LUZP2: variants seen among roughly 807,000 people sequenced by gnomAD.
LUZP2 encodes leucine zipper protein 2.
A neutral mutation model predicts 51.6 loss-of-function variants in LUZP2; 52 were observed. That is an observed-to-expected ratio of 1.01 (90% CI 0.81 to 1.27). The LOEUF is 1.27. Ranked by LOEUF, LUZP2 falls within the 50% of genes most tolerant of loss-of-function variation. LUZP2 has a pLI of 0.00. For synonymous variants in LUZP2, 154 were observed against 137.3 expected, an observed-to-expected ratio of 1.12 and a Z score of -0.85; for missense variants, 436 against 395.4, an observed-to-expected ratio of 1.10 and a Z score of -0.87.
At chr11:24,957,955 T>G (rs12362151) in intron 7 of LUZP2, among the ~76,000 whole-genome samples, 2 of 152,104 alleles carry the variant, frequency 1.3e-5, no homozygotes, top group Admixed American at 1.3e-4. Flanking sequence ...CCTGTGTCCA[T>G]GTGTTCTCAT....
chr11:24,659,200 A>C (rs1006446774), intron 1 of LUZP2, among the ~76,000 whole-genome samples: 1 of 152,234 alleles, frequency 6.6e-6, no homozygotes, highest in African/African-American at 2.4e-5. Context: ...AACTGGATTA[A>C]GAAAATGTGG....
In LUZP2 at chr11:24,701,878, A is replaced by G. The variant is rs530439097; in HGVS notation, c.63-27291A>G. ...TTCGTTTTTATAACCTGTAATACAA[A>G]GTATACTAAATGGCAACATGGAGTC... On this transcript the variant is annotated intron_variant, in intron 1 of 11. Coordinates refer to ENST00000336930, the MANE Select transcript of LUZP2 (RefSeq NM_001009909.4). Among the ~76,000 whole-genome samples the G allele has an allele frequency of 1.3e-5, 2 of 152,314 alleles. 1 individual carries two copies. The highest frequency in any genetic ancestry group is 4.1e-4 in the South Asian group (2 of 4,822).
intron 5 of LUZP2, among the ~76,000 whole-genome samples, chr11:24,813,949 AAAT>A (rs1180746233): frequency 2.0e-5 from 3 of 152,216 alleles, no homozygotes; most frequent in African/African-American, 7.2e-5. Context: ...TGCAAACCGG[AAAT>A]AATAACAACA....
At chr11:24,627,435 C>A (rs377746294) in intron 1 of LUZP2, among the ~76,000 whole-genome samples, 1 of 152,202 alleles carries the variant, frequency 6.6e-6, no homozygotes, top group African/African-American at 2.4e-5. Context: ...CTTGTCTCCC[C>A]GGAGTGGCAA....
chr11:24,827,290 G>A (rs747532084), intron 5 of LUZP2, among the ~76,000 whole-genome samples: 2 of 152,042 alleles, frequency 1.3e-5, no homozygotes, highest in Non-Finnish European at 2.9e-5. Flanking sequence ...TAGGAACAAG[G>A]CATATTTCTG....
Position 24,729,198 on chromosome 11 carries a change from T to C in LUZP2, c.92T>C (p.Leu31Pro). 1 of 1,574,562 alleles carries C rather than the reference T, an allele frequency of 6.4e-7. No homozygotes were observed. Among genetic ancestry groups the C allele is most frequent in the Non-Finnish European group, 8.7e-7 (1 of 1,153,692 alleles). ...GACTATGAAGAGCTAGAAAAGCAGCTGAAAGAAGTCTTTAAGGAGCGAAGC... is the reference window on the plus strand; with the variant it reads ...GACTATGAAGAGCTAGAAAAGCAGCCGAAAGAAGTCTTTAAGGAGCGAAGC... ...RQDYEELEKQLKEVFKERSTI... is the reference protein window; with the variant it reads ...RQDYEELEKQPKEVFKERSTI... The change falls in exon 2 of 12, where the codon CTG becomes CCG. Residue 31 changes from leucine (L) to proline (P), a missense_variant. Physicochemically the swap from Leu to Pro is moderately conservative, Grantham distance 98. Transcript: ENST00000336930.
chr11:24,748,826 A>G (rs1302401040), intron 4 of LUZP2, among the ~76,000 whole-genome samples: 2 of 152,192 alleles, frequency 1.3e-5, no homozygotes, highest in Non-Finnish European at 2.9e-5. Flanking sequence ...ATAAATATAC[A>G]CACATACACA....
intron 1 of LUZP2, among the ~76,000 whole-genome samples, chr11:24,521,953 T>G (rs1259035682): frequency 2.0e-5 from 3 of 151,914 alleles, no homozygotes; most frequent in East Asian, 3.9e-4. Context: ...ATCCTGGAAA[T>G]ATATATATAT....
intron 1 of LUZP2, among the ~76,000 whole-genome samples, chr11:24,615,835 T>G (rs1854265945): frequency 6.6e-6 from 1 of 150,522 alleles, no homozygotes; most frequent in African/African-American, 2.4e-5. Context: ...TATATATATA[T>G]TATATATATA....
intron 1 of LUZP2, among the ~76,000 whole-genome samples, chr11:24,557,750 T>C (rs1263798533): frequency 1.3e-5 from 2 of 152,176 alleles, no homozygotes; most frequent in Non-Finnish European, 2.9e-5. Flanking sequence ...TGTTACATTT[T>C]TCATGGTAGT....
intron 5 of LUZP2, among the ~76,000 whole-genome samples, chr11:24,882,645 C>T (rs1852509315): frequency 6.6e-6 from 1 of 151,510 alleles, no homozygotes. Context: ...TCGCTTTTTT[C>T]AAAATGTTGT....
rs376140072 is a variant in LUZP2 at position 24,923,425 on chromosome 11, G to A, written c.522+8887G>A. Among the ~76,000 whole-genome samples the A allele has an allele frequency of 6.6e-5, 10 of 152,042 alleles. No homozygotes were observed. The East Asian group carries it at 1.2e-3, about 18-fold the overall frequency. On this transcript the variant is annotated intron_variant, in intron 7 of 11. Coordinates refer to ENST00000336930, the MANE Select transcript of LUZP2 (RefSeq NM_001009909.4). ...ACAAAGACAGGATTCGGCTGGGCGC[G>A]GTGTCTCACGCCTGTAATCCTGGCA...
At chr11:24,593,425 C>T (rs1853324868) in intron 1 of LUZP2, among the ~76,000 whole-genome samples, 1 of 152,140 alleles carries the variant, frequency 6.6e-6, no homozygotes, top group Non-Finnish European at 1.5e-5. Flanking sequence ...TATCAGATGT[C>T]CACTGAAGGC....
chr11:24,855,076 G>T (rs2631445), intron 5 of LUZP2, among the ~76,000 whole-genome samples: 23,068 of 152,076 alleles, frequency 0.15, 1,907 homozygotes, highest in African/African-American at 0.2. Flanking sequence ...TTCCTATTTG[G>T]TGATCTTCCG....
At chr11:24,724,383 A>G (rs1858394461) in intron 1 of LUZP2, among the ~76,000 whole-genome samples, 2 of 152,110 alleles carry the variant, frequency 1.3e-5, no homozygotes, top group Admixed American at 1.3e-4. Context: ...CAGCCTGGGT[A>G]ACATGGCAAA....
chr11:24,510,038 T>C (rs1350187422), intron 1 of LUZP2, among the ~76,000 whole-genome samples: 1 of 152,212 alleles, frequency 6.6e-6, no homozygotes, highest in African/African-American at 2.4e-5. Flanking sequence ...CAACATCTTA[T>C]GTAGCAATTC....
At chr11:24,681,381 G>A (rs753439611) in intron 1 of LUZP2, among the ~76,000 whole-genome samples, 14 of 152,118 alleles carry the variant, frequency 9.2e-5, no homozygotes, top group Non-Finnish European at 2.1e-4. Flanking sequence ...AGACTTAGGA[G>A]GTTAATAATT....
intron 7 of LUZP2, among the ~76,000 whole-genome samples, chr11:24,932,285 T>A (rs1854477080): frequency 6.6e-6 from 1 of 152,166 alleles, no homozygotes; most frequent in Admixed American, 6.5e-5. Flanking sequence ...CAGTAGTACA[T>A]GGAGGATACA....
intron 9 of LUZP2, among the ~76,000 whole-genome samples, chr11:24,987,366 G>A (rs545693668): frequency 6.6e-6 from 1 of 152,004 alleles, no homozygotes; most frequent in African/African-American, 2.4e-5. Flanking sequence ...TCCATTTAGT[G>A]TCAGGGATCA....
Sources: gnomAD v4.1 joint callset for allele counts (sites outside exome capture counted in the v4.1 genomes callset) on GRCh38, gnomAD v4.1.1 for gene constraint, MANE v1.5 for transcripts, NCBI Gene and HGNC (gene_info 2026-07-23, HGNC 2026-07-21) for gene names.